The following KDM1A variants were observed in gnomAD, a reference collection of about 807,000 sequenced individuals.
The protein encoded by KDM1A is lysine-specific histone demethylase 1A.
A neutral mutation model predicts 109.4 loss-of-function variants in KDM1A; 49 were observed. The ratio of observed to expected loss-of-function variants is 0.45; its 90% CI spans 0.36 to 0.57. The LOEUF is 0.57. Among genes scored for constraint, KDM1A ranks in the 20% least tolerant of loss-of-function variants. The pLI is 0.00. For missense variants in KDM1A, 668 were observed against 1,116.6 expected (o/e 0.60, Z 5.73); for synonymous variants, 380 against 415.4 (o/e 0.91, Z 1.04).
intron 3 of KDM1A, among the ~76,000 whole-genome samples, chr1:23,046,716 A>T (rs1239935365): frequency 6.6e-6 from 1 of 152,168 alleles, no homozygotes; most frequent in Non-Finnish European, 1.5e-5. Context: ...GTATTCAGAG[A>T]AAGTATAAGC....
intron 20 of KDM1A, chr1:23,082,684 T>C (rs1643655470): frequency 4.1e-6 from 1 of 245,250 alleles, no homozygotes; most frequent in East Asian, 8.1e-5. Context: ...AGGATTGCTG[T>C]AAGGTCTCAA....
chr1:23,082,003 TAGACAG>T, intron 19 of KDM1A: 1 of 363,462 alleles, frequency 2.8e-6, no homozygotes, highest in Non-Finnish European at 4.8e-6. Context: ...TCTGGATTCA[TAGACAG>T]GAAGGCAACA....
intron 2 of KDM1A, among the ~76,000 whole-genome samples, chr1:23,031,417 G>A (rs936779822): frequency 5.3e-5 from 8 of 151,852 alleles, no homozygotes; most frequent in Admixed American, 1.3e-4. Flanking sequence ...TTTATGTTTC[G>A]AATAGCTTCA....
intron 19 of KDM1A, 66 bp from the exon 20 acceptor site, chr1:23,082,154 C>A: frequency 6.4e-7 from 1 of 1,557,914 alleles, no homozygotes; most frequent in South Asian, 1.2e-5. Flanking sequence ...ACTGCTTTTC[C>A]ACCTTTCAAG....
intron 1 of KDM1A, among the ~76,000 whole-genome samples, chr1:23,021,674 A>G (rs894275079): frequency 2.0e-5 from 3 of 152,236 alleles, no homozygotes; most frequent in Admixed American, 2.0e-4. Flanking sequence ...AAAGCAAACA[A>G]AAAAACAGGC....
chr1:23,080,370 T>G (rs563378487), intron 18 of KDM1A, among the ~76,000 whole-genome samples: 22 of 152,340 alleles, frequency 1.4e-4, no homozygotes, highest in African/African-American at 5.1e-4. Flanking sequence ...TGTCAAGTCC[T>G]GTCAGTGCTA....
At chr1:23,045,907 A>G (rs1452063041) in intron 3 of KDM1A, among the ~76,000 whole-genome samples, 1 of 152,148 alleles carries the variant, frequency 6.6e-6, no homozygotes, top group African/African-American at 2.4e-5. Flanking sequence ...AGGGTTAGAA[A>G]TGTGCTTGTA....
In KDM1A at chr1:23,068,385, A is replaced by G. The variant is rs112520543; in HGVS notation, c.1180-154A>G. ...ATATCTCATTTAAATGGATCTGACC[A>G]CTTCATAGAAAAGAAAATTTGAATC... On this transcript the variant is annotated intron_variant, in intron 10 of 20. Coordinates refer to ENST00000400181, the MANE Select transcript of KDM1A (RefSeq NM_001009999.3). Among the ~76,000 whole-genome samples the G allele has an allele frequency of 1.8e-3, 271 of 152,316 alleles. 3 individuals carry two copies. The highest frequency in any genetic ancestry group is 6.1e-3 in the African/African-American group (255 of 41,566).
intron 9 of KDM1A, among the ~76,000 whole-genome samples, chr1:23,062,728 G>A (rs528145866): frequency 6.6e-6 from 1 of 152,162 alleles, no homozygotes; most frequent in East Asian, 1.9e-4. Context: ...TTTTGACAAG[G>A]GACGTTTATT....
chr1:23,076,017 G>A lies in KDM1A; in HGVS notation c.1735-1211G>A, dbSNP rs191826047. On this transcript the variant is annotated intron_variant, in intron 15 of 20. Coordinates refer to ENST00000400181, the MANE Select transcript of KDM1A (RefSeq NM_001009999.3). ...GATAGTTTTAGTATTTGAAGAGTTG[G>A]ACTTGTTAGAGATAAAGTCTTGCAG... 1.8e-3 allele frequency among the ~76,000 whole-genome samples: 275 copies of A among 152,276 alleles called. 3 individuals carry two copies. The highest frequency in any genetic ancestry group is 3.4e-3 in the Middle Eastern group (1 of 294).
At chr1:23,055,389 A>G (rs1420530254) in intron 6 of KDM1A, 2 of 269,780 alleles carry the variant, frequency 7.4e-6, no homozygotes, top group Non-Finnish European at 1.3e-5. Flanking sequence ...TTTGATAGCT[A>G]CTTAGTAAAA....
intron 8 of KDM1A, 107 bp from the exon 9 acceptor site, chr1:23,058,966 G>T: frequency 3.3e-6 from 2 of 612,088 alleles, no homozygotes; most frequent in Non-Finnish European, 5.2e-6. Context: ...ATTACATACT[G>T]TAAGCTTTTG....
rs1158318715 is a variant in KDM1A at position 23,079,287 on chromosome 1, C to T, written c.2055+110C>T. The T allele has an allele frequency of 9.2e-7, 1 of 1,087,740 alleles. No individual in the cohort carries two copies. Among genetic ancestry groups the T allele is most frequent in the African/African-American group, 1.6e-5 (1 of 63,568 alleles). The allele number at this position is 1,087,740 out of a possible 1,614,324, so 67.4% of individuals were successfully genotyped here. Reference sequence around the variant, plus strand: ...CATTTTTGGGCATTTGGCTATGCTCCCAATTGTGACATCAGGGCTGAGGCG... The same window carrying T: ...CATTTTTGGGCATTTGGCTATGCTCTCAATTGTGACATCAGGGCTGAGGCG... On this transcript the variant is annotated intron_variant, in intron 17 of 20. Transcript: ENST00000400181. This position sits in a 1 kb window ranked among gnomAD's most constrained non-coding sequence, Gnocchi z 5.6.
chr1:23,047,556 A>C (rs866829721), intron 3 of KDM1A, among the ~76,000 whole-genome samples: 10 of 152,206 alleles, frequency 6.6e-5, no homozygotes, highest in African/African-American at 1.9e-4. Context: ...TAATCATTAC[A>C]TATTCTCAAA....
intron 7 of KDM1A, among the ~76,000 whole-genome samples, chr1:23,056,896 C>G (rs1002351856): frequency 1.3e-5 from 2 of 151,540 alleles, no homozygotes; most frequent in East Asian, 3.9e-4. Context: ...ACTTGAAAAT[C>G]CCTCGTCAGC....
intron 2 of KDM1A, among the ~76,000 whole-genome samples, chr1:23,036,021 CCAAGCACTGAGT>C (rs1642132518): frequency 2.0e-5 from 3 of 152,020 alleles, no homozygotes; most frequent in African/African-American, 7.2e-5. Context: ...CTGGTGGTTG[CCAAGCACTGAGT>C]TTGGCAGCAT....
chr1:23,077,764 C>T (rs994462606), intron 16 of KDM1A, among the ~76,000 whole-genome samples: 11 of 152,042 alleles, frequency 7.2e-5, no homozygotes, highest in Non-Finnish European at 1.2e-4. Flanking sequence ...GGATTTTGGC[C>T]CCTGGGCTCC....
At chr1:23,026,578 C>T (rs1468487813) in intron 1 of KDM1A, among the ~76,000 whole-genome samples, 4 of 151,800 alleles carry the variant, frequency 2.6e-5, no homozygotes, top group Admixed American at 1.3e-4. Flanking sequence ...GATGGAGTCT[C>T]GCTATTTTGC....
At chr1:23,069,227 T>G (rs1643237366) in intron 12 of KDM1A, 76 bp downstream of exon 12, 5 of 907,592 alleles carry the variant, frequency 5.5e-6, no homozygotes, top group Non-Finnish European at 8.3e-6. Context: ...TAAAAGCATT[T>G]CCGAGATTTT....
Sources: gnomAD v4.1 joint callset for allele counts (sites outside exome capture counted in the v4.1 genomes callset) on GRCh38, gnomAD v4.1.1 for gene constraint, Gnocchi (gnomAD v3.1) non-coding constraint, MANE v1.5 for transcripts, NCBI Gene and HGNC (gene_info 2026-07-23, HGNC 2026-07-21) for gene names.